Variants in C1orf74 observed in about 807,000 individuals in gnomAD.
The protein encoded by C1orf74 is chromosome 1 open reading frame 74.
A neutral mutation model predicts 7.3 loss-of-function variants in C1orf74; 5 were observed. The observed-to-expected ratio is 0.68, with a 90% CI of 0.36 to 1.44. C1orf74 has a LOEUF of 1.44. C1orf74 is among the 40% of genes most tolerant of loss of function. The pLI, the probability that C1orf74 is intolerant of heterozygous loss-of-function variation, is 0.04. For synonymous variants in C1orf74, 121 were observed against 132.5 expected (o/e 0.91, Z 0.59); for missense variants, 291 against 314.3 (o/e 0.93, Z 0.56).
rs551739334 is a variant in C1orf74, at chr1:209,782,979, T to G, written c.656A>C (p.Tyr219Ser). Residue 219 changes from tyrosine to serine, a missense_variant, in exon 2 of 2, where the codon TAT becomes TCT. Transcript: ENST00000294811. ...CAAACTCTCTGGGACACTAAAAGAA[T>G]AGAGCAGGATTGGGGGTTGACCTAG... is the stretch of plus-strand genomic sequence containing the variant. ...WLLGQPPILL[Y>S]SFSVPESLFP... The G allele has an allele frequency of 6.2e-7, 1 of 1,614,114 alleles. No individual in the cohort carries two copies.
rs569107434 is a variant in C1orf74, at chr1:209,781,560, C to T, written c.*1265G>A. 29 of 774,566 alleles carry T rather than the reference C, an allele frequency of 3.7e-5. No individual in the cohort carries two copies. In the South Asian group the frequency reaches 4.3e-4, roughly 11 times the overall value. The allele number at this position is 774,566 out of a possible 1,614,324, so 48.0% of individuals were successfully genotyped here. On this transcript the variant is annotated 3_prime_UTR_variant, in exon 2 of 2. Coordinates refer to ENST00000294811, the MANE Select transcript of C1orf74 (RefSeq NM_152485.4). ...TATATCAGCCCACGCCAACAACTGG[C>T]CATCCTGTCCCACTGTGCTTGGTTT... is the stretch of plus-strand genomic sequence containing the variant.
chr1:209,781,403 G>C lies in C1orf74; in HGVS notation c.*1422C>G, dbSNP rs771216589. 3 of 1,613,588 alleles carry C rather than the reference G, an allele frequency of 1.9e-6. No individual in the cohort carries two copies. The highest frequency in any genetic ancestry group is 1.3e-5 in the African/African-American group (1 of 74,908). On this transcript the variant is annotated 3_prime_UTR_variant, in exon 2 of 2. Transcript: ENST00000294811. ...AGTGACGAGTATCTCTCCTGCCTGC[G>C]TAAGCTGCAGCACTGTCGAGAAGAG...
chr1:209,783,101 GC>G lies in C1orf74; in HGVS notation c.533del (p.Gly178AlafsTer10), dbSNP rs899649980. On this transcript the variant is annotated frameshift_variant, in exon 2 of 2. Coordinates refer to ENST00000294811, the MANE Select transcript of C1orf74 (RefSeq NM_152485.4). LOFTEE classifies it high-confidence loss of function. ...NLCTVFGILL[G>X]YPVPYTFHLN... ...GGTGAAAGGTATAGGGAACAGGATA[GC>G]CCAGGAGGATCCCAAATACAGTACA... 2 of 1,614,164 alleles carry G rather than the reference GC, an allele frequency of 1.2e-6. No individual in the cohort carries two copies. The highest frequency in any genetic ancestry group is 1.7e-5 in the Admixed American group (1 of 60,024).
chr1:209,782,782 T>C lies in C1orf74; in HGVS notation c.*43A>G. ...TTATTTGCCATCCCCAACCTAGAGA[T>C]GATCATTTACTGAGTACCTTCTATA... On this transcript the variant is annotated 3_prime_UTR_variant, in exon 2 of 2. Transcript: ENST00000294811. The C allele has an allele frequency of 6.3e-7, 1 of 1,575,468 alleles. No individual in the cohort carries two copies. The highest frequency in any genetic ancestry group is 1.3e-5 in the African/African-American group (1 of 74,144).
rs2077758525 is a variant in C1orf74 at position 209,780,701 on chromosome 1, G to A, written c.*2124C>T. ...AAGCAGGGATTTCAAAGTTTAAGTT[G>A]TGAGTGGATAACCACAGACATTCAT... is the stretch of plus-strand genomic sequence containing the variant. On this transcript the variant is annotated 3_prime_UTR_variant, in exon 2 of 2. Coordinates refer to ENST00000294811, the MANE Select transcript of C1orf74 (RefSeq NM_152485.4). 1 of 1,219,346 alleles carries A rather than the reference G, an allele frequency of 8.2e-7. No individual in the cohort carries two copies. The highest frequency in any genetic ancestry group is 2.8e-5 in the East Asian group (1 of 35,558). 75.5% of individuals were successfully genotyped at this position (1,219,346 alleles called of 1,614,324 possible).
At position 209,784,534 on chromosome 1, in the gene C1orf74, A is replaced by C. The variant is rs1167083222; in HGVS notation, c.-232T>G. On this transcript the variant is annotated 5_prime_UTR_variant, in exon 1 of 2. Transcript: ENST00000294811. The stretch of plus-strand genomic sequence containing the variant: ...AGACCCTCGCAGCCCGCTCTGCTCC[A>C]GTCCCGCAGGCACCTTCTTGCGCAT... 3 of 152,260 alleles carry C rather than the reference A, an allele frequency of 2.0e-5. No homozygotes were observed. Among genetic ancestry groups the C allele is most frequent in the African/African-American group, 7.2e-5 (3 of 41,472 alleles). 9.4% of individuals were successfully genotyped at this position (152,260 alleles called of 1,614,324 possible).
chr1:209,781,317 G>T lies in C1orf74; in HGVS notation c.*1508C>A. ...GGCTCTGTCCTAGACAGAAGTGACA[G>T]TGATGACTTTGGTGATGTTCTCCCC... is the stretch of plus-strand genomic sequence containing the variant. On this transcript the variant is annotated 3_prime_UTR_variant, in exon 2 of 2. Coordinates refer to ENST00000294811, the MANE Select transcript of C1orf74 (RefSeq NM_152485.4). The T allele has an allele frequency of 6.6e-7, 1 of 1,513,086 alleles. No individual in the cohort carries two copies. Among genetic ancestry groups the T allele is most frequent in the Non-Finnish European group, 9.2e-7 (1 of 1,089,880 alleles). 93.7% of individuals were successfully genotyped at this position (1,513,086 alleles called of 1,614,324 possible). A position where few individuals can be genotyped will look rare whatever the true frequency, so the allele number is the denominator to read the frequency against.
chr1:209,779,675 C>T lies in C1orf74; in HGVS notation c.*3150G>A. The T allele has an allele frequency of 1.7e-6, 1 of 601,658 alleles. No individual in the cohort carries two copies. Among genetic ancestry groups the T allele is most frequent in the Non-Finnish European group, 2.9e-6 (1 of 339,880 alleles). The allele number at this position is 601,658 out of a possible 1,614,324, so 37.3% of individuals were successfully genotyped here. A position where few individuals can be genotyped will look rare whatever the true frequency, so the allele number is the denominator to read the frequency against. ...ACTCAGGATTTCATGTCAATTTTTA[C>T]ACACTTGATTTTCCAAATCACATCC... On this transcript the variant is annotated 3_prime_UTR_variant, in exon 2 of 2. Transcript: ENST00000294811.
At position 209,782,221 on chromosome 1, in the gene C1orf74, A is replaced by G; in HGVS notation, c.*604T>C. ...AGCGAAAAACTCAGAAGGTTTGGGT[A>G]CATTACAGCTTGGGTTTTCCAACTG... On this transcript the variant is annotated 3_prime_UTR_variant, in exon 2 of 2. Coordinates refer to ENST00000294811, the MANE Select transcript of C1orf74 (RefSeq NM_152485.4). 1.7e-6 allele frequency: 2 copies of G among 1,212,062 alleles called. No individual in the cohort carries two copies. Among genetic ancestry groups the G allele is most frequent in the South Asian group, 1.2e-5 (1 of 82,458 alleles). The allele number at this position is 1,212,062 out of a possible 1,614,324, so 75.1% of individuals were successfully genotyped here.
Position 209,782,262 on chromosome 1 carries a change from CTT to C in C1orf74, c.*561_*562del. On this transcript the variant is annotated 3_prime_UTR_variant, in exon 2 of 2. Transcript: ENST00000294811. ...TTTCCAACTGACTTAGGATTTCTGA[CTT>C]TTTATTAATTTCTTAACCTACTGTA... The C allele has an allele frequency of 1.3e-6, 1 of 784,460 alleles. No homozygotes were observed. The highest frequency in any genetic ancestry group is 2.2e-6 in the Non-Finnish European group (1 of 458,756). The allele number at this position is 784,460 out of a possible 1,614,324, so 48.6% of individuals were successfully genotyped here.
Position 209,782,074 on chromosome 1 carries a change from C to T in C1orf74, c.*751G>A. On this transcript the variant is annotated 3_prime_UTR_variant, in exon 2 of 2. Transcript: ENST00000294811. Reference sequence around the variant, plus strand: ...CCTACAGAGGCAATGTGGGCGATGGCTCCCAGTGCTGATGGTGGTGATTGC... The same window carrying T: ...CCTACAGAGGCAATGTGGGCGATGGTTCCCAGTGCTGATGGTGGTGATTGC... 1 of 1,614,122 alleles carries T rather than the reference C, an allele frequency of 6.2e-7. No individual in the cohort carries two copies. Among genetic ancestry groups the T allele is most frequent in the Non-Finnish European group, 8.5e-7 (1 of 1,179,948 alleles).
At position 209,781,210 on chromosome 1, in the gene C1orf74, TC is replaced by T; in HGVS notation, c.*1614del. On this transcript the variant is annotated 3_prime_UTR_variant, in exon 2 of 2. Coordinates refer to ENST00000294811, the MANE Select transcript of C1orf74 (RefSeq NM_152485.4). ...AAGACAGTCAAAAGACAAACTCAAA[TC>T]CCTGAGAATGGCTGGGAAGGGAAGA... The T allele has an allele frequency of 1.7e-6, 1 of 576,282 alleles. No individual in the cohort carries two copies. Among genetic ancestry groups the T allele is most frequent in the African/African-American group, 1.9e-5 (1 of 54,038 alleles). The allele number at this position is 576,282 out of a possible 1,614,324, so 35.7% of individuals were successfully genotyped here. A position where few individuals can be genotyped will look rare whatever the true frequency, so the allele number is the denominator to read the frequency against.
rs2077733854 is a variant in C1orf74 at position 209,779,575 on chromosome 1, T to C, written c.*3250A>G. 1 of 689,722 alleles carries C rather than the reference T, an allele frequency of 1.4e-6. No individual in the cohort carries two copies. Among genetic ancestry groups the C allele is most frequent in the Non-Finnish European group, 2.7e-6 (1 of 373,222 alleles). The allele number at this position is 689,722 out of a possible 1,614,324, so 42.7% of individuals were successfully genotyped here. A position where few individuals can be genotyped will look rare whatever the true frequency, so the allele number is the denominator to read the frequency against. On this transcript the variant is annotated 3_prime_UTR_variant, in exon 2 of 2. Coordinates refer to ENST00000294811, the MANE Select transcript of C1orf74 (RefSeq NM_152485.4). The stretch of plus-strand genomic sequence containing the variant: ...AGTTAGCCTTCTATCTTGAGGTATA[T>C]AAACTGTGAAAAAGGGTTTCTATTC...
Position 209,782,234 on chromosome 1 carries a change from G to A in C1orf74, c.*591C>T, listed in dbSNP as rs551776018. 6 of 1,072,012 alleles carry A rather than the reference G, an allele frequency of 5.6e-6. No homozygotes were observed. The highest frequency in any genetic ancestry group is 8.7e-6 in the Non-Finnish European group (6 of 693,082). 66.4% of individuals were successfully genotyped at this position (1,072,012 alleles called of 1,614,324 possible). A position where few individuals can be genotyped will look rare whatever the true frequency, so the allele number is the denominator to read the frequency against. On this transcript the variant is annotated 3_prime_UTR_variant, in exon 2 of 2. Transcript: ENST00000294811. Reference sequence around the variant, plus strand: ...GAAGGTTTGGGTACATTACAGCTTGGGTTTTCCAACTGACTTAGGATTTCT... The same window carrying A: ...GAAGGTTTGGGTACATTACAGCTTGAGTTTTCCAACTGACTTAGGATTTCT...
At position 209,783,720 on chromosome 1, in the gene C1orf74, A is replaced by C; in HGVS notation, c.-75-11T>G. 3 of 1,100,478 alleles carry C rather than the reference A, an allele frequency of 2.7e-6. No homozygotes were observed. Among genetic ancestry groups the C allele is most frequent in the Non-Finnish European group, 3.9e-6 (3 of 761,332 alleles). The allele number at this position is 1,100,478 out of a possible 1,614,324, so 68.2% of individuals were successfully genotyped here. On this transcript the variant is annotated splice_polypyrimidine_tract_variant and intron_variant, in intron 1 of 1. Transcript: ENST00000294811. ...CACTTGAGGAGGGGCCTAGAAACAA[A>C]GCAGGAGCAGGGAATTATTAACAGC...
In C1orf74 at chr1:209,781,129, A is replaced by T. The variant is rs893939889; in HGVS notation, c.*1696T>A. On this transcript the variant is annotated 3_prime_UTR_variant, in exon 2 of 2. Transcript: ENST00000294811. ...AAAAGAACTTAAATGTATAAAATGTAATACTATAATATGCATTACTGTCAA... is the reference window on the plus strand; with the variant it reads ...AAAAGAACTTAAATGTATAAAATGTTATACTATAATATGCATTACTGTCAA... The T allele has an allele frequency of 7.2e-5, 23 of 320,608 alleles. No individual in the cohort carries two copies. The East Asian group carries it at 1.3e-3, about 19-fold the overall frequency. 19.9% of individuals were successfully genotyped at this position (320,608 alleles called of 1,614,324 possible).
In C1orf74 at chr1:209,780,685, T is replaced by C. The variant is rs548305173; in HGVS notation, c.*2140A>G. On this transcript the variant is annotated 3_prime_UTR_variant, in exon 2 of 2. Transcript: ENST00000294811. ...CTGGGAGGCAGTCAAAAAGCAGGGA[T>C]TTCAAAGTTTAAGTTGTGAGTGGAT... 38 of 1,357,976 alleles carry C rather than the reference T, an allele frequency of 2.8e-5. No individual in the cohort carries two copies. In the African/African-American group the frequency reaches 4.6e-4, roughly 16 times the overall value. The allele number at this position is 1,357,976 out of a possible 1,614,324, so 84.1% of individuals were successfully genotyped here. A position where few individuals can be genotyped will look rare whatever the true frequency, so the allele number is the denominator to read the frequency against.
chr1:209,783,142 A>G lies in C1orf74; in HGVS notation c.493T>C (p.Ser165Pro). 1 of 1,614,154 alleles carries G rather than the reference A, an allele frequency of 6.2e-7. No individual in the cohort carries two copies. Among genetic ancestry groups the G allele is most frequent in the Non-Finnish European group, 8.5e-7 (1 of 1,180,034 alleles). The change falls in exon 2 of 2, where the codon TCA (serine) becomes CCA (proline). Residue 165 changes from serine (S) to proline (P), a missense_variant. By Grantham distance (74) the Ser-to-Pro change is moderately conservative. Transcript: ENST00000294811. Reference protein sequence around the residue: ...LAVSYSRLHSSDWNLCTVFGI... With the variant: ...LAVSYSRLHSPDWNLCTVFGI... Reference sequence around the variant, plus strand: ...AATACAGTACACAGATTCCAGTCTGAGGAATGGAGCCTGCTGTAGGAGACT... The same window carrying G: ...AATACAGTACACAGATTCCAGTCTGGGGAATGGAGCCTGCTGTAGGAGACT...
At position 209,782,704 on chromosome 1, in the gene C1orf74, A is replaced by T; in HGVS notation, c.*121T>A. 9.6e-7 allele frequency: 1 copy of T among 1,046,620 alleles called. No homozygotes were observed. Among genetic ancestry groups the T allele is most frequent in the Non-Finnish European group, 1.4e-6 (1 of 714,852 alleles). The allele number at this position is 1,046,620 out of a possible 1,614,324, so 64.8% of individuals were successfully genotyped here. The stretch of plus-strand genomic sequence containing the variant: ...CTTTGCATTTGTGGCCAACTGATCT[A>T]CAGCATTGTGCCTTAGTGTATTCAA... On this transcript the variant is annotated 3_prime_UTR_variant, in exon 2 of 2. Coordinates refer to ENST00000294811, the MANE Select transcript of C1orf74 (RefSeq NM_152485.4).
Sources: gnomAD v4.1 joint callset for allele counts on GRCh38, gnomAD v4.1.1 for gene constraint, MANE v1.5 for transcripts, NCBI Gene and HGNC (gene_info 2026-07-23, HGNC 2026-07-21) for gene names.